Variants in ADARB2 observed in about 807,000 individuals in gnomAD.
The protein encoded by ADARB2 is inactive double-stranded RNA-specific editase B2.
ADARB2 carries 25 observed loss-of-function variants against 62.2 expected under a neutral mutation model. The observed-to-expected ratio is 0.40, with a 90% CI of 0.29 to 0.56. The LOEUF (loss-of-function observed/expected upper bound fraction) is 0.56. Among genes scored for constraint, ADARB2 ranks in the 20% least tolerant of loss-of-function variants. The pLI, the probability that ADARB2 is intolerant of heterozygous loss-of-function variation, is 0.43. For missense variants in ADARB2, 1,071 were observed against 1,077.4 expected (o/e 0.99, Z 0.08); for synonymous variants, 572 against 500.8 (o/e 1.14, Z -1.90).
chr10:1,315,393 G>A (rs140082833), intron 3 of ADARB2, among the ~76,000 whole-genome samples: 2 of 152,228 alleles, frequency 1.3e-5, no homozygotes, highest in African/African-American at 4.8e-5. Context: ...CGTCCTGAGC[G>A]TGGCGTTTGG....
chr10:1,491,739 G>A (rs1347295637), intron 1 of ADARB2, among the ~76,000 whole-genome samples: 2 of 152,156 alleles, frequency 1.3e-5, no homozygotes, highest in Non-Finnish European at 1.5e-5. Flanking sequence ...AACAAGGCAA[G>A]GAGCTTGTCT....
At chr10:1,679,279 C>G (rs187454518) in intron 1 of ADARB2, among the ~76,000 whole-genome samples, 112 of 152,220 alleles carry the variant, frequency 7.4e-4, no homozygotes, top group Non-Finnish European at 1.3e-3. Flanking sequence ...TCTCACTTTT[C>G]CGAGTGTCCT....
At chr10:1,523,904 C>A (rs755442303) in intron 1 of ADARB2, among the ~76,000 whole-genome samples, 2 of 152,152 alleles carry the variant, frequency 1.3e-5, no homozygotes, top group Non-Finnish European at 2.9e-5. Flanking sequence ...TTGTTTCTTT[C>A]TCTAATCAAC....
At chr10:1,567,154 A>C (rs900715371) in intron 1 of ADARB2, among the ~76,000 whole-genome samples, 5 of 152,038 alleles carry the variant, frequency 3.3e-5, no homozygotes, top group African/African-American at 9.7e-5. Context: ...GGTCCCTGTG[A>C]TGCTCAGAGG....
chr10:1,543,028 C>T (rs540415948), intron 1 of ADARB2, among the ~76,000 whole-genome samples: 21 of 152,268 alleles, frequency 1.4e-4, no homozygotes, highest in Non-Finnish European at 2.8e-4. Flanking sequence ...CTTGCAGCTC[C>T]GCGCTGGGCA....
chr10:1,335,790 G>A (rs143677969), intron 3 of ADARB2, among the ~76,000 whole-genome samples: 226 of 152,218 alleles, frequency 1.5e-3, no homozygotes, highest in African/African-American at 5.2e-3. Context: ...TGCACATCCC[G>A]ATTACCTCAT....
intron 7 of ADARB2, among the ~76,000 whole-genome samples, chr10:1,211,775 A>G (rs1837155693): frequency 6.6e-6 from 1 of 152,216 alleles, no homozygotes; most frequent in Non-Finnish European, 1.5e-5. Flanking sequence ...ATTTTGTGGT[A>G]TTTCCACCAC....
intron 3 of ADARB2, among the ~76,000 whole-genome samples, chr10:1,343,552 A>G (rs778519382): frequency 2.2e-4 from 33 of 152,370 alleles, no homozygotes; most frequent in Admixed American, 1.5e-3. Flanking sequence ...AAATTGTTCT[A>G]CCATAGACAC....
At chr10:1,653,710 C>T (rs1007576385) in intron 1 of ADARB2, among the ~76,000 whole-genome samples, 7 of 152,238 alleles carry the variant, frequency 4.6e-5, no homozygotes, top group Admixed American at 2.6e-4. Flanking sequence ...GTCTCATCTC[C>T]TCCCAAATCC....
At chr10:1,734,048 T>C (rs1410884078) in intron 1 of ADARB2, among the ~76,000 whole-genome samples, 1 of 151,862 alleles carries the variant, frequency 6.6e-6, no homozygotes, top group African/African-American at 2.4e-5. Flanking sequence ...TATATGAGAG[T>C]CAAATTTTGG....
At position 1,505,093 on chromosome 10, in the gene ADARB2, A is replaced by G. The variant is rs112681871; in HGVS notation, c.101-125933T>C. On this transcript the variant is annotated intron_variant, in intron 1 of 9. Transcript: ENST00000381312. ...ACACACGGATGCACACAGGACACACACACACATGCACACACAGACACACAC... is the reference window on the plus strand; with the variant it reads ...ACACACGGATGCACACAGGACACACGCACACATGCACACACAGACACACAC... Among the ~76,000 whole-genome samples the G allele has an allele frequency of 9.2e-3, 1,377 of 149,760 alleles. 19 individuals are homozygous for G. Among genetic ancestry groups the G allele is most frequent in the African/African-American group, 0.031 (1,290 of 41,450 alleles).
At chr10:1,502,750 T>A (rs1831781879) in intron 1 of ADARB2, among the ~76,000 whole-genome samples, 1 of 152,244 alleles carries the variant, frequency 6.6e-6, no homozygotes, top group African/African-American at 2.4e-5. Flanking sequence ...GTTACTTTAA[T>A]CTTTATTTGT....
rs535122375 is a variant in ADARB2 at position 1,217,516 on chromosome 10, T to A, written c.1514-397A>T. ...CAGTTGGACGTGTCGTTTTCAGAGG[T>A]TGTGAAACACCGTTTTTCTCACTTT... is the stretch of plus-strand genomic sequence containing the variant. On this transcript the variant is annotated intron_variant, in intron 6 of 9. Coordinates refer to ENST00000381312, the MANE Select transcript of ADARB2 (RefSeq NM_018702.4). 1.7e-3 allele frequency among the ~76,000 whole-genome samples: 264 copies of A among 152,284 alleles called. 1 individual carries two copies. Among genetic ancestry groups the A allele is most frequent in the African/African-American group, 6.1e-3 (254 of 41,546 alleles).
At chr10:1,265,372 G>C (rs1272419702) in intron 4 of ADARB2, among the ~76,000 whole-genome samples, 2 of 152,248 alleles carry the variant, frequency 1.3e-5, no homozygotes, top group Non-Finnish European at 2.9e-5. Flanking sequence ...ATAAAGCGGT[G>C]CCCTGACAGT....
chr10:1,601,654 G>A (rs1833415265), intron 1 of ADARB2, among the ~76,000 whole-genome samples: 1 of 152,168 alleles, frequency 6.6e-6, no homozygotes, highest in African/African-American at 2.4e-5. Context: ...GAACCACAAA[G>A]CTGATCGGTG....
intron 1 of ADARB2, among the ~76,000 whole-genome samples, chr10:1,519,101 G>T (rs1008118250): frequency 2.7e-5 from 4 of 150,492 alleles, no homozygotes; most frequent in African/African-American, 9.8e-5. Flanking sequence ...TCTGTACACG[G>T]TGTGGTCATA....
intron 1 of ADARB2, among the ~76,000 whole-genome samples, chr10:1,448,838 C>A (rs1831002106): frequency 1.3e-5 from 2 of 152,018 alleles, no homozygotes; most frequent in African/African-American, 4.8e-5. Flanking sequence ...AGGAGCCATA[C>A]CCCCCCAGAA....
intron 3 of ADARB2, among the ~76,000 whole-genome samples, chr10:1,307,831 C>CA (rs1281918679): frequency 8.2e-6 from 1 of 122,242 alleles, no homozygotes; most frequent in Non-Finnish European, 1.7e-5. Context: ...ATCGCAAGAA[C>CA]AAAAAACCAA....
intron 1 of ADARB2, among the ~76,000 whole-genome samples, chr10:1,708,102 GCT>G (rs1307420919): frequency 6.6e-6 from 1 of 152,232 alleles, no homozygotes; most frequent in African/African-American, 2.4e-5. Flanking sequence ...GCAAGCCGCA[GCT>G]CTGTCTGGGG....
Sources: allele counts gnomAD v4.1 joint callset (sites outside exome capture counted in the v4.1 genomes callset), GRCh38; gene constraint gnomAD v4.1.1; transcripts MANE v1.5; gene names NCBI Gene and HGNC (gene_info 2026-07-23, HGNC 2026-07-21).